Variants in MFHAS1 observed in about 807,000 individuals in gnomAD.
The protein encoded by MFHAS1 is multifunctional ROCO family signaling regulator 1.
MFHAS1 carries 50 observed loss-of-function variants against 70.4 expected under a neutral mutation model. That is an observed-to-expected ratio of 0.71 (90% CI 0.57 to 0.90). The LOEUF (loss-of-function observed/expected upper bound fraction) is 0.90. Ranked by LOEUF, MFHAS1 falls within the 40% of genes least tolerant of loss-of-function variation. The pLI is 0.00. For missense variants in MFHAS1, 1,795 were observed against 1,347.6 expected (o/e 1.33, Z -5.20); for synonymous variants, 952 against 620.0 (o/e 1.54, Z -7.96).
intron 1 of MFHAS1, among the ~76,000 whole-genome samples, chr8:8,828,692 G>C (rs1196554992): frequency 6.6e-6 from 1 of 152,170 alleles, no homozygotes; most frequent in African/African-American, 2.4e-5. Context: ...TGCCCACTAA[G>C]CAGTGACACT....
intron 1 of MFHAS1, among the ~76,000 whole-genome samples, chr8:8,823,283 C>G (rs530256651): frequency 2.6e-5 from 4 of 152,298 alleles, no homozygotes; most frequent in Admixed American, 1.3e-4. Context: ...CTTCTGAAGC[C>G]TTGCTTTCAG....
chr8:8,890,442 G>C lies in MFHAS1; in HGVS notation c.2617C>G (p.Gln873Glu). ...TGCAACTGCTCAGCCACAAAAGACT[G>C]CCCAGCTAGGTTGGTCCCATTAATC... The part of the protein sequence containing the change: ...AWINGTNLAG[Q>E]SFVAEQLQIE... Residue 873 changes from glutamine (Q) to glutamate (E), a missense_variant, in exon 1 of 3, where the codon CAG (glutamine) becomes GAG (glutamate). Gln to Glu is a conservative substitution (Grantham distance 29, BLOSUM62 2). Transcript: ENST00000276282. 1 of 1,613,942 alleles carries C rather than the reference G, an allele frequency of 6.2e-7. No homozygotes were observed.
In MFHAS1 at chr8:8,890,593, C is replaced by G. The variant is rs1363473936; in HGVS notation, c.2466G>C (p.Glu822Asp). 6.2e-7 allele frequency: 1 copy of G among 1,613,742 alleles called. No individual in the cohort carries two copies. Among genetic ancestry groups the G allele is most frequent in the African/African-American group, 1.3e-5 (1 of 74,954 alleles). The change falls in exon 1 of 3, where the codon GAG (glutamate) becomes GAC (aspartate). Residue 822 changes from glutamate (E) to aspartate (D), a missense_variant. Physicochemically the swap from Glu to Asp is conservative, Grantham distance 45. Coordinates refer to ENST00000276282, the MANE Select transcript of MFHAS1 (RefSeq NM_004225.3). ...AACAGAGTCCCATCTTCTCCAGCAGCTCCAGCAACAGCTGCAAGTCCTGCT... is the reference window on the plus strand; with the variant it reads ...AACAGAGTCCCATCTTCTCCAGCAGGTCCAGCAACAGCTGCAAGTCCTGCT... ...QAQQDLQLLL[E>D]LLEKMGLCYC...
intron 2 of MFHAS1, among the ~76,000 whole-genome samples, chr8:8,791,950 C>T (rs149163204): frequency 6.6e-6 from 1 of 152,266 alleles, no homozygotes; most frequent in East Asian, 1.9e-4. Context: ...CTCTTTAAAA[C>T]TCAGAAATCG....
intron 1 of MFHAS1, among the ~76,000 whole-genome samples, chr8:8,832,307 G>C (rs74429308): frequency 0.02 from 3,067 of 152,110 alleles, 100 homozygotes; most frequent in African/African-American, 0.07. Context: ...GAACATGTTT[G>C]TAATACATAC....
Position 8,790,761 on chromosome 8 carries a change from G to A in MFHAS1, c.3126-4706C>T, listed in dbSNP as rs1282200765. ...TATTTTATCAAGTTCATGCTAATTT[G>A]TGTGCTGTTAGGCATACGTGGCCTG... On this transcript the variant is annotated intron_variant, in intron 2 of 2. Coordinates refer to ENST00000276282, the MANE Select transcript of MFHAS1 (RefSeq NM_004225.3). Among the ~76,000 whole-genome samples, 6 of 152,296 alleles carry A rather than the reference G, an allele frequency of 3.9e-5. No homozygotes were observed. The East Asian group carries it at 5.8e-4, about 15-fold the overall frequency.
rs528680123 is a variant in MFHAS1, at chr8:8,881,359, T to C, written c.2998+8702A>G. Among the ~76,000 whole-genome samples, 4 of 152,328 alleles carry C rather than the reference T, an allele frequency of 2.6e-5. No homozygotes were observed. In the South Asian group the frequency reaches 8.3e-4, roughly 32 times the overall value. ...ACTGTTATCCACGCAGCCACCATCA[T>C]ATAGAGTACACATGCAATCATCTCT... On this transcript the variant is annotated intron_variant, in intron 1 of 2. Transcript: ENST00000276282.
intron 1 of MFHAS1, among the ~76,000 whole-genome samples, chr8:8,860,221 C>T (rs903522782): frequency 2.0e-5 from 3 of 152,216 alleles, no homozygotes; most frequent in African/African-American, 7.2e-5. Context: ...ACCCATCCCA[C>T]TCACACGACA....
intron 1 of MFHAS1, among the ~76,000 whole-genome samples, chr8:8,876,968 T>G (rs955913289): frequency 2.7e-5 from 4 of 149,782 alleles, no homozygotes; most frequent in Non-Finnish European, 5.9e-5. Flanking sequence ...ACTGTCATAG[T>G]GCGGTAAGTG....
chr8:8,819,474 G>A (rs1281193016), intron 1 of MFHAS1, among the ~76,000 whole-genome samples: 11 of 151,838 alleles, frequency 7.2e-5, no homozygotes, highest in East Asian at 1.9e-4. Context: ...GCATGGTGGC[G>A]GGTGCCTGCA....
chr8:8,873,921 T>C (rs373127049), intron 1 of MFHAS1, among the ~76,000 whole-genome samples: 27 of 152,384 alleles, frequency 1.8e-4, no homozygotes, highest in African/African-American at 6.3e-4. Flanking sequence ...ATTATTGCTA[T>C]GTCTAAACAC....
intron 2 of MFHAS1, 141 bp downstream of exon 2, chr8:8,797,224 G>T (rs558520582): frequency 2.4e-6 from 2 of 819,142 alleles, no homozygotes; most frequent in African/African-American, 1.8e-5. Context: ...TGATGCTGAT[G>T]TCATCCAGAA....
chr8:8,867,836 C>T (rs1215075066), intron 1 of MFHAS1, among the ~76,000 whole-genome samples: 1 of 152,062 alleles, frequency 6.6e-6, no homozygotes, highest in African/African-American at 2.4e-5. Context: ...GGATTACAGG[C>T]GTGAGCCACC....
At chr8:8,874,158 T>C (rs1447185338) in intron 1 of MFHAS1, among the ~76,000 whole-genome samples, 1 of 152,162 alleles carries the variant, frequency 6.6e-6, no homozygotes, top group Admixed American at 6.5e-5. Context: ...CAGAGAGGGA[T>C]TATTAACCCT....
At position 8,892,884 on chromosome 8, in the gene MFHAS1, G is replaced by C. The variant is rs1443575025; in HGVS notation, c.175C>G (p.Pro59Ala). Residue 59 changes from proline to alanine, a missense_variant, in exon 1 of 3, where the codon CCG (proline) becomes GCG (alanine). Pro to Ala is a conservative substitution (Grantham distance 27, BLOSUM62 -1). Coordinates refer to ENST00000276282, the MANE Select transcript of MFHAS1 (RefSeq NM_004225.3). This position sits in a 1 kb window ranked among gnomAD's most constrained non-coding sequence, Gnocchi z 4.7. The stretch of plus-strand genomic sequence containing the variant: ...GCCTCAATGTCCCCGAGGTTGGCCG[G>C]CAGCACGAGCTGGGGGGAGGCGGGG... ...ESPASPQLVL[P>A]ANLGDIEALN... The C allele has an allele frequency of 6.3e-7, 1 of 1,582,850 alleles. No individual in the cohort carries two copies. Among genetic ancestry groups the C allele is most frequent in the Non-Finnish European group, 8.6e-7 (1 of 1,166,794 alleles).
intron 1 of MFHAS1, among the ~76,000 whole-genome samples, chr8:8,884,061 CACACACACACACACACACACAA>C (rs1809650632): frequency 1.7e-5 from 2 of 120,722 alleles, no homozygotes; most frequent in African/African-American, 5.3e-5. Context: ...CACACACACA[CACACACACACACACACACACAA>C]AAAGAAAAAA....
chr8:8,862,757 C>G (rs1407800089), intron 1 of MFHAS1, among the ~76,000 whole-genome samples: 1 of 152,128 alleles, frequency 6.6e-6, no homozygotes, highest in Non-Finnish European at 1.5e-5. Context: ...GTAGGTTCAT[C>G]GATTGTAACC....
rs550696528 is a variant in MFHAS1, at chr8:8,890,481, G to C, written c.2578C>G (p.His860Asp). Residue 860 changes from histidine to aspartate, a missense_variant, in exon 1 of 3, where the codon CAT becomes GAT. Coordinates refer to ENST00000276282, the MANE Select transcript of MFHAS1 (RefSeq NM_004225.3). Reference protein sequence around the residue: ...FPCYVQNEVPHAEAWINGTNL... With the variant: ...FPCYVQNEVPDAEAWINGTNL... ...GTCCCATTAATCCAGGCTTCTGCATGGGGCACCTCGTTCTGCACATAGCAT... is the reference window on the plus strand; with the variant it reads ...GTCCCATTAATCCAGGCTTCTGCATCGGGCACCTCGTTCTGCACATAGCAT... 1.7e-5 allele frequency: 27 copies of C among 1,613,756 alleles called. No homozygotes were observed. The highest frequency in any genetic ancestry group is 2.3e-5 in the Non-Finnish European group (27 of 1,180,038).
chr8:8,809,687 G>C (rs938020140), intron 1 of MFHAS1, among the ~76,000 whole-genome samples: 2 of 152,178 alleles, frequency 1.3e-5, no homozygotes, highest in African/African-American at 4.8e-5. Flanking sequence ...GATGAGACAA[G>C]CTTCACAGAT....
Sources: allele counts gnomAD v4.1 joint callset (sites outside exome capture counted in the v4.1 genomes callset), GRCh38; gene constraint gnomAD v4.1.1; non-coding constraint Gnocchi (gnomAD v3.1); transcripts MANE v1.5; gene names NCBI Gene and HGNC (gene_info 2026-07-23, HGNC 2026-07-21).